SPESP1: variants seen among roughly 807,000 people sequenced by gnomAD.
SPESP1 encodes equatorial segment protein.
SPESP1 carries 1 observed loss-of-function variant against 3.1 expected under a neutral mutation model. That is an observed-to-expected ratio of 0.33 (90% CI 0.12 to 1.54). The LOEUF (loss-of-function observed/expected upper bound fraction) is 1.54. SPESP1 is among the 40% of genes most tolerant of loss of function. The pLI, the probability that SPESP1 is intolerant of heterozygous loss-of-function variation, is 0.38. For missense variants in SPESP1, 398 were observed against 410.1 expected (o/e 0.97, Z 0.26); for synonymous variants, 138 against 150.7 (o/e 0.92, Z 0.62).
chr15:68,946,042 A>G lies in SPESP1; in HGVS notation c.508A>G (p.Thr170Ala). Residue 170 changes from threonine (T) to alanine (A), a missense_variant, in exon 2 of 2, where the codon ACA (threonine) becomes GCA (alanine). Transcript: ENST00000310673. ...RMLPVVTESS[T>A]SPYVTSYKSP... ...GTTGCCAGTTGTTACTGAATCATCTACAAGTCCATATGTTACCTCATACAA... is the reference window on the plus strand; with the variant it reads ...GTTGCCAGTTGTTACTGAATCATCTGCAAGTCCATATGTTACCTCATACAA... The G allele has an allele frequency of 2.5e-6, 4 of 1,614,172 alleles. No individual in the cohort carries two copies. The highest frequency in any genetic ancestry group is 3.4e-6 in the Non-Finnish European group (4 of 1,180,024).
intron 1 of SPESP1, among the ~76,000 whole-genome samples, chr15:68,944,385 T>C (rs1595722927): frequency 6.6e-6 from 1 of 151,414 alleles, no homozygotes; most frequent in Non-Finnish European, 1.5e-5. Context: ...CCACATTAGA[T>C]AGACGCCCCA....
At chr15:68,943,181 C>A (rs913407927) in intron 1 of SPESP1, among the ~76,000 whole-genome samples, 3 of 151,990 alleles carry the variant, frequency 2.0e-5, no homozygotes. Flanking sequence ...CACTGCCTCT[C>A]CTTAGAGGCA....
chr15:68,946,476 A>G lies in SPESP1; in HGVS notation c.942A>G (p.Leu314=). The change falls in exon 2 of 2, where the codon TTA becomes TTG. Residue 314 remains leucine (L), a synonymous_variant. Transcript: ENST00000310673. ...CTAGATCTAAACTCTATGAATATTT[A>G]GATATTAAATGTGTTCCACCAGAGA... ...CNSRSKLYEY[L]DIKCVPPEMR... 1 of 1,613,720 alleles carries G rather than the reference A, an allele frequency of 6.2e-7. No homozygotes were observed. The highest frequency in any genetic ancestry group is 8.5e-7 in the Non-Finnish European group (1 of 1,179,944).
At position 68,945,740 on chromosome 15, in the gene SPESP1, C is replaced by G. The variant is rs751147466; in HGVS notation, c.206C>G (p.Ser69Ter). The part of the protein sequence containing the change: ...NSPKHVYSIA[S>*]KGSKFKELVT... ...CCAAAACATGTTTATTCTATAGCATCAAAGGGATCAAAATTTAAGGAGCTA... is the reference window on the plus strand; with the variant it reads ...CCAAAACATGTTTATTCTATAGCATGAAAGGGATCAAAATTTAAGGAGCTA... The change falls in exon 2 of 2, where the codon TCA becomes TGA. Residue 69 changes from serine to a stop codon, truncating the protein, a stop_gained. Coordinates refer to ENST00000310673, the MANE Select transcript of SPESP1 (RefSeq NM_145658.4). LOFTEE classifies it low-confidence loss of function (END_TRUNC). 3 of 1,613,888 alleles carry G rather than the reference C, an allele frequency of 1.9e-6. No homozygotes were observed. The highest frequency in any genetic ancestry group is 1.7e-6 in the Non-Finnish European group (2 of 1,179,940).
intron 1 of SPESP1, among the ~76,000 whole-genome samples, chr15:68,934,502 C>T (rs1220025351): frequency 6.6e-6 from 1 of 152,140 alleles, no homozygotes; most frequent in Non-Finnish European, 1.5e-5. Context: ...TCATGACACA[C>T]TTTGTTAATG....
intron 1 of SPESP1, chr15:68,939,701 CTG>C (rs1416066783): frequency 6.6e-6 from 1 of 152,196 alleles, no homozygotes; most frequent in African/African-American, 2.4e-5. Flanking sequence ...GTAGTGCACT[CTG>C]TTGCTAGGCA....
At chr15:68,933,209 T>C (rs1895595844) in intron 1 of SPESP1, among the ~76,000 whole-genome samples, 1 of 152,212 alleles carries the variant, frequency 6.6e-6, no homozygotes, top group Admixed American at 6.5e-5. Flanking sequence ...ATTGCATTTA[T>C]TGAAAACCTC....
At chr15:68,943,876 T>G (rs949509773) in intron 1 of SPESP1, among the ~76,000 whole-genome samples, 5 of 152,194 alleles carry the variant, frequency 3.3e-5, no homozygotes, top group Non-Finnish European at 5.9e-5. Context: ...GAAATATGCC[T>G]TCAATTTTGA....
chr15:68,945,150 A>G (rs1437002062), intron 1 of SPESP1, among the ~76,000 whole-genome samples: 7 of 152,172 alleles, frequency 4.6e-5, no homozygotes, highest in Non-Finnish European at 8.8e-5. Flanking sequence ...TTTGATTGTA[A>G]ATGTAGATAA....
chr15:68,945,660 C>T lies in SPESP1; in HGVS notation c.126C>T (p.Asn42=). The change falls in exon 2 of 2, where the codon AAC becomes AAT. Residue 42 remains asparagine (N), a synonymous_variant. Transcript: ENST00000310673. Reference sequence around the variant, plus strand: ...ATCATTATATACAAGTTTTAGAGAACCTAGTACGAAGTGTTCCCTCTGGGG... The same window carrying T: ...ATCATTATATACAAGTTTTAGAGAATCTAGTACGAAGTGTTCCCTCTGGGG... ...NLNHYIQVLE[N]LVRSVPSGEP... 6.2e-7 allele frequency: 1 copy of T among 1,610,034 alleles called. No homozygotes were observed.
At chr15:68,934,112 G>C (rs1224075556) in intron 1 of SPESP1, among the ~76,000 whole-genome samples, 3 of 151,566 alleles carry the variant, frequency 2.0e-5, no homozygotes, top group African/African-American at 4.8e-5. Flanking sequence ...ATTAATTTTG[G>C]GGTATCTCCC....
At chr15:68,940,827 C>T (rs561176708) in intron 1 of SPESP1, among the ~76,000 whole-genome samples, 190 of 149,748 alleles carry the variant, frequency 1.3e-3, no homozygotes, top group African/African-American at 4.5e-3. Context: ...TACATAACGT[C>T]GGATTTTTTG....
At chr15:68,944,058 G>A (rs576579034) in intron 1 of SPESP1, among the ~76,000 whole-genome samples, 5 of 152,216 alleles carry the variant, frequency 3.3e-5, no homozygotes, top group East Asian at 1.9e-4. Flanking sequence ...TCAGGTAGGC[G>A]TAATGCATTA....
chr15:68,935,834 G>A (rs1895667557), intron 1 of SPESP1, among the ~76,000 whole-genome samples: 1 of 152,160 alleles, frequency 6.6e-6, no homozygotes, highest in Non-Finnish European at 1.5e-5. Flanking sequence ...CATTCCTTGA[G>A]TACACCTCAG....
chr15:68,937,453 G>T (rs1567063119), intron 1 of SPESP1, among the ~76,000 whole-genome samples: 1 of 152,086 alleles, frequency 6.6e-6, no homozygotes, highest in Non-Finnish European at 1.5e-5. Flanking sequence ...AAGGATCTAG[G>T]GATCAAAAGG....
intron 1 of SPESP1, among the ~76,000 whole-genome samples, chr15:68,941,272 ATGG>A (rs1895815977): frequency 6.6e-6 from 1 of 152,234 alleles, no homozygotes; most frequent in African/African-American, 2.4e-5. Flanking sequence ...ATCTGAGAAC[ATGG>A]TATAGCTTTC....
At position 68,945,867 on chromosome 15, in the gene SPESP1, A is replaced by G; in HGVS notation, c.333A>G (p.Gly111=). 1 of 1,614,168 alleles carries G rather than the reference A, an allele frequency of 6.2e-7. No individual in the cohort carries two copies. The highest frequency in any genetic ancestry group is 2.2e-5 in the East Asian group (1 of 44,884). The change falls in exon 2 of 2, where the codon GGA becomes GGG. Residue 111 remains glycine (G), a synonymous_variant. Transcript: ENST00000310673. Reference sequence around the variant, plus strand: ...CAGGAGGCTTCACACCGGAAATAGGAAAGAAAAAACACACGGAAAGTACCC... The same window carrying G: ...CAGGAGGCTTCACACCGGAAATAGGGAAGAAAAAACACACGGAAAGTACCC... The part of the protein sequence containing the change: ...FPTGGFTPEI[G]KKKHTESTPF...
chr15:68,946,491 TC>T lies in SPESP1; in HGVS notation c.959del (p.Pro320HisfsTer4). 1 of 1,612,890 alleles carries T rather than the reference TC, an allele frequency of 6.2e-7. No homozygotes were observed. The highest frequency in any genetic ancestry group is 8.5e-7 in the Non-Finnish European group (1 of 1,179,822). Reference sequence around the variant, plus strand: ...ATGAATATTTAGATATTAAATGTGTTCCACCAGAGATGAGAGAAAAAGCTGC... The same window carrying T: ...ATGAATATTTAGATATTAAATGTGTTCACCAGAGATGAGAGAAAAAGCTGC... ...LYEYLDIKCV[P>X]PEMREKAATV... On this transcript the variant is annotated frameshift_variant, in exon 2 of 2. Coordinates refer to ENST00000310673, the MANE Select transcript of SPESP1 (RefSeq NM_145658.4). LOFTEE classifies it low-confidence loss of function (END_TRUNC).
At chr15:68,945,211 A>C (rs1457176840) in intron 1 of SPESP1, among the ~76,000 whole-genome samples, 1 of 152,222 alleles carries the variant, frequency 6.6e-6, no homozygotes, top group African/African-American at 2.4e-5. Context: ...CAAAATTCAT[A>C]AAAATTTAAC....
Sources: allele counts gnomAD v4.1 joint callset (sites outside exome capture counted in the v4.1 genomes callset), GRCh38; gene constraint gnomAD v4.1.1; transcripts MANE v1.5; gene names NCBI Gene and HGNC (gene_info 2026-07-23, HGNC 2026-07-21).